WDR37: variants seen among roughly 807,000 people sequenced by gnomAD.
WDR37 encodes the protein WD repeat-containing protein 37.
A neutral mutation model predicts 62.9 loss-of-function variants in WDR37; 19 were observed. That is an observed-to-expected ratio of 0.30 (90% CI 0.21 to 0.44). WDR37 has a LOEUF of 0.44. WDR37 is among the 20% of genes least tolerant of loss of function. The probability of loss-of-function intolerance (pLI) is 1.00; values close to 1 mark genes in which losing one functional copy is unlikely to be tolerated. For synonymous variants in WDR37, 250 were observed against 260.9 expected (o/e 0.96, Z 0.40); for missense variants, 474 against 657.6 (o/e 0.72, Z 3.05).
chr10:1,112,406 C>T (rs562370639), intron 11 of WDR37, among the ~76,000 whole-genome samples: 42 of 152,312 alleles, frequency 2.8e-4, no homozygotes, highest in Non-Finnish European at 5.1e-4. Context: ...TCTCCTAATG[C>T]CTCTGACTTC....
In WDR37 at chr10:1,105,198, C is replaced by T. The variant is rs143410842; in HGVS notation, c.1034C>T (p.Thr345Met). 6.3e-5 allele frequency: 102 copies of T among 1,614,128 alleles called. No homozygotes were observed. Among genetic ancestry groups the T allele is most frequent in the East Asian group, 3.3e-4 (15 of 44,876 alleles). ...QRLVVTSSRDTTFRLWDFRDP... is the reference protein window; with the variant it reads ...QRLVVTSSRDMTFRLWDFRDP... ...CTCGTGGTGACCTCCTCCCGTGACACGACTTTCCGCCTCTGGGATTTCAGG... is the reference window on the plus strand; with the variant it reads ...CTCGTGGTGACCTCCTCCCGTGACATGACTTTCCGCCTCTGGGATTTCAGG... The change falls in exon 11 of 14, where the codon ACG becomes ATG. Residue 345 changes from threonine to methionine, a missense_variant. Thr to Met is a moderately conservative substitution (Grantham distance 81, BLOSUM62 -1). Coordinates refer to ENST00000263150, the MANE Select transcript of WDR37 (RefSeq NM_014023.4). The surrounding 1 kb of genome is among the most constrained non-coding windows in gnomAD (Gnocchi z 5.3).
intron 11 of WDR37, among the ~76,000 whole-genome samples, chr10:1,117,125 G>A (rs1472082526): frequency 6.6e-6 from 1 of 152,144 alleles, no homozygotes; most frequent in East Asian, 1.9e-4. Flanking sequence ...CATGATCACG[G>A]CTCACTGCAA....
intron 1 of WDR37, among the ~76,000 whole-genome samples, chr10:1,060,959 A>G (rs1352521446): frequency 6.6e-6 from 1 of 152,202 alleles, no homozygotes; most frequent in Admixed American, 6.5e-5. Context: ...TAGGCTGTGC[A>G]CCTAGCTTTG....
At chr10:1,110,887 G>A (rs1835194691) in intron 11 of WDR37, among the ~76,000 whole-genome samples, 1 of 152,232 alleles carries the variant, frequency 6.6e-6, no homozygotes, top group Non-Finnish European at 1.5e-5. Flanking sequence ...CCCAGGGCCG[G>A]GCCTGAGGCC....
intron 1 of WDR37, among the ~76,000 whole-genome samples, chr10:1,057,311 C>CT: frequency 4.7e-4 from 1 of 2,110 alleles, no homozygotes; most frequent in East Asian, 0.015. Flanking sequence ...CAGGAAGAGT[C>CT]GGGGCGCTGG....
intron 11 of WDR37, among the ~76,000 whole-genome samples, chr10:1,117,183 T>G (rs1350880065): frequency 6.6e-6 from 1 of 152,092 alleles, no homozygotes; most frequent in Admixed American, 6.6e-5. Flanking sequence ...CCCTCCTGAG[T>G]AGCAGGGACT....
chr10:1,067,455 T>A (rs1833588899), intron 1 of WDR37, among the ~76,000 whole-genome samples: 1 of 152,186 alleles, frequency 6.6e-6, no homozygotes, highest in African/African-American at 2.4e-5. Context: ...GAAGTGTTGC[T>A]TCATGAAAAA....
At chr10:1,098,195 A>G (rs1195099926) in intron 9 of WDR37, among the ~76,000 whole-genome samples, 4 of 152,102 alleles carry the variant, frequency 2.6e-5, no homozygotes, top group African/African-American at 9.7e-5. Context: ...TTAAAGCAAA[A>G]TGAGGTAGTG....
At position 1,090,313 on chromosome 10, in the gene WDR37, C is replaced by A. The variant is rs190348534; in HGVS notation, c.605-3139C>A. ...AGCTGGGAGTACAGGCACATGCCAC[C>A]ACGCCCAGCTAAGTTTTGTATTTTT... On this transcript the variant is annotated intron_variant, in intron 7 of 13. Coordinates refer to ENST00000263150, the MANE Select transcript of WDR37 (RefSeq NM_014023.4). 2.9e-3 allele frequency among the ~76,000 whole-genome samples: 436 copies of A among 152,262 alleles called. 1 individual carries two copies. The highest frequency in any genetic ancestry group is 9.5e-3 in the African/African-American group (394 of 41,556).
At chr10:1,069,385 A>ATTTTTTT (rs1564496938) in intron 1 of WDR37, among the ~76,000 whole-genome samples, 1 of 28,468 alleles carries the variant, frequency 3.5e-5, no homozygotes, top group South Asian at 1.4e-3. Flanking sequence ...ATATATATAT[A>ATTTTTTT]TATATTTTTT....
chr10:1,095,202 C>T lies in WDR37; in HGVS notation c.650-968C>T, dbSNP rs116592244. Among the ~76,000 whole-genome samples, 850 of 100,790 alleles carry T rather than the reference C, an allele frequency of 8.4e-3. 18 individuals carry two copies. Among genetic ancestry groups the T allele is most frequent in the African/African-American group, 0.032 (803 of 24,770 alleles). 66.1% of individuals were successfully genotyped at this position (100,790 alleles called of 152,430 possible). Reference sequence around the variant, plus strand: ...AGTTAGACTGGGAAATGTGAGGTGACGAGCATGGAGAGAGGAGAGTTAGAC... The same window carrying T: ...AGTTAGACTGGGAAATGTGAGGTGATGAGCATGGAGAGAGGAGAGTTAGAC... On this transcript the variant is annotated intron_variant, in intron 8 of 13. Coordinates refer to ENST00000263150, the MANE Select transcript of WDR37 (RefSeq NM_014023.4).
At chr10:1,059,334 C>T (rs1366377651) in intron 1 of WDR37, among the ~76,000 whole-genome samples, 2 of 152,172 alleles carry the variant, frequency 1.3e-5, no homozygotes, top group Non-Finnish European at 2.9e-5. Context: ...CGAGATCACG[C>T]CACTGCCCTC....
At chr10:1,059,324 C>T (rs1219847464) in intron 1 of WDR37, among the ~76,000 whole-genome samples, 3 of 152,042 alleles carry the variant, frequency 2.0e-5, no homozygotes, top group Non-Finnish European at 2.9e-5. Context: ...TGCGGTTAGC[C>T]GAGATCACGC....
Position 1,103,858 on chromosome 10 carries a change from G to A in WDR37, c.961+22G>A, listed in dbSNP as rs369690042. On this transcript the variant is annotated intron_variant, in intron 10 of 13. Coordinates refer to ENST00000263150, the MANE Select transcript of WDR37 (RefSeq NM_014023.4). This position sits in a 1 kb window ranked among gnomAD's most constrained non-coding sequence, Gnocchi z 6.3. ...ACAGGTGCCTGGGTTCTCTGAGTCC[G>A]CCGCCTCCTGGCTGTGCATGTTAGT... The A allele has an allele frequency of 9.6e-5, 154 of 1,610,078 alleles. No individual in the cohort carries two copies. The African/African-American group carries it at 1.6e-3, about 16-fold the overall frequency.
intron 11 of WDR37, among the ~76,000 whole-genome samples, chr10:1,118,312 A>T (rs1227640140): frequency 1.2e-5 from 1 of 81,624 alleles, no homozygotes; most frequent in Non-Finnish European, 2.4e-5. Context: ...CACACATCTG[A>T]GCCGCGTGCA....
At chr10:1,116,754 G>A (rs1835413701) in intron 11 of WDR37, among the ~76,000 whole-genome samples, 1 of 152,182 alleles carries the variant, frequency 6.6e-6, no homozygotes, top group Non-Finnish European at 1.5e-5. Flanking sequence ...GAACCTCACT[G>A]CAGCAGTCAT....
intron 1 of WDR37, among the ~76,000 whole-genome samples, chr10:1,061,651 C>T (rs190571731): frequency 2.2e-3 from 328 of 152,236 alleles, no homozygotes; most frequent in Non-Finnish European, 3.6e-3. Context: ...ACCACCTTGC[C>T]AACATGGTGA....
intron 13 of WDR37, among the ~76,000 whole-genome samples, chr10:1,126,378 C>A (rs927065266): frequency 1.3e-5 from 2 of 148,674 alleles, no homozygotes; most frequent in Non-Finnish European, 3.0e-5. Flanking sequence ...TGCACTCCAG[C>A]CTGGGCGACA....
intron 7 of WDR37, among the ~76,000 whole-genome samples, chr10:1,089,104 GC>G (rs1215615271): frequency 1.3e-5 from 2 of 152,056 alleles, no homozygotes; most frequent in Non-Finnish European, 2.9e-5. Context: ...GTCTTCACAG[GC>G]CCTGAGCTTT....
Sources: gnomAD v4.1 joint callset for allele counts (sites outside exome capture counted in the v4.1 genomes callset) on GRCh38, gnomAD v4.1.1 for gene constraint, Gnocchi (gnomAD v3.1) non-coding constraint, MANE v1.5 for transcripts, NCBI Gene and HGNC (gene_info 2026-07-23, HGNC 2026-07-21) for gene names.